NCOR2: variants seen among roughly 807,000 people sequenced by gnomAD.
NCOR2 encodes CTG repeat protein 26.
NCOR2 carries 81 observed loss-of-function variants against 262.9 expected under a neutral mutation model. The ratio of observed to expected loss-of-function variants is 0.31; its 90% CI spans 0.26 to 0.37. The LOEUF (loss-of-function observed/expected upper bound fraction) is 0.37. Ranked by LOEUF, NCOR2 falls within the 10% of genes least tolerant of loss-of-function variation. The pLI, the probability that NCOR2 is intolerant of heterozygous loss-of-function variation, is 1.00. For synonymous variants in NCOR2, 1,659 were observed against 1,559.3 expected, an observed-to-expected ratio of 1.06 and a Z score of -1.51; for missense variants, 3,385 against 3,621.4, an observed-to-expected ratio of 0.93 and a Z score of 1.68.
chr12:124,332,189 TG>T, intron 43 of NCOR2, 129 bp downstream of exon 45: 1 of 1,144,174 alleles, frequency 8.7e-7, no homozygotes, highest in Non-Finnish European at 1.2e-6. Context: ...TGGGGGGAGG[TG>T]GTCAGCAGGG....
intron 2 of NCOR2, among the ~76,000 whole-genome samples, chr12:124,484,051 T>G (rs1479037917): frequency 6.6e-6 from 1 of 152,118 alleles, no homozygotes; most frequent in Non-Finnish European, 1.5e-5. Flanking sequence ...GCCCCTCCCT[T>G]GCTACGGACC....
In NCOR2 at chr12:124,356,772, G is replaced by A. The variant is rs111850964; in HGVS notation, c.3111C>T (p.Ala1037=). 5.4e-3 allele frequency: 7,909 copies of A among 1,475,248 alleles called. 59 individuals are homozygous for A. Among genetic ancestry groups the A allele is most frequent in the African/African-American group, 0.028 (1,892 of 67,724 alleles). 91.4% of individuals were successfully genotyped at this position (1,475,248 alleles called of 1,614,324 possible). A position where few individuals can be genotyped will look rare whatever the true frequency, so the allele number is the denominator to read the frequency against. ...GGTCCCCAGGCAGCTTCTGGGCCTCGGCTGCGAAGGCTGGGAAGAACACAG... is the reference window on the plus strand; with the variant it reads ...GGTCCCCAGGCAGCTTCTGGGCCTCAGCTGCGAAGGCTGGGAAGAACACAG... The change falls in exon 23 of 47, where the codon GCC becomes GCT. Residue 1037 remains alanine (A), a synonymous_variant. Coordinates refer to ENST00000405201, the Ensembl canonical transcript of NCOR2.
chr12:124,355,695 C>T, intron 23 of NCOR2, 124 bp from the exon 26 acceptor site: 1 of 1,315,888 alleles, frequency 7.6e-7, no homozygotes, highest in South Asian at 1.6e-5. Context: ...CATGCGCACT[C>T]CTCTATTGCC....
chr12:124,361,596 C>A (rs1353601322), intron 22 of NCOR2, among the ~76,000 whole-genome samples: 1 of 152,242 alleles, frequency 6.6e-6, no homozygotes, highest in East Asian at 1.9e-4. Context: ...ACCCAGAGAC[C>A]TGGGCCTGGA....
At chr12:124,554,795 G>A (rs957299861) in intron 1 of NCOR2, among the ~76,000 whole-genome samples, 7 of 152,256 alleles carry the variant, frequency 4.6e-5, no homozygotes, top group African/African-American at 9.6e-5. Flanking sequence ...CTTCCTGCCC[G>A]CCGCTACAGC....
chr12:124,500,250 T>C (rs1257785727), upstream of NCOR2, among the ~76,000 whole-genome samples: 1 of 152,088 alleles, frequency 6.6e-6, no homozygotes, highest in African/African-American at 2.4e-5. Context: ...TGCTGGCCCC[T>C]GAACCAGCTG....
At position 124,549,582 on chromosome 12, in the gene NCOR2, G is replaced by C. The variant is rs553963513; in HGVS notation, c.-164-13971C>G. 5.3e-5 allele frequency among the ~76,000 whole-genome samples: 8 copies of C among 152,174 alleles called. 1 individual carries two copies. In the South Asian group the frequency reaches 1.2e-3, roughly 24 times the overall value. ...GCTGAGGGAGCCCCAGGACAGAAGC[G>C]GTCACACATCATGGGCTCATCATCA... On this transcript the variant is annotated intron_variant, in intron 1 of 32. Transcript: ENST00000458234. This position sits in a 1 kb window ranked among gnomAD's most constrained non-coding sequence, Gnocchi z 4.4.
chr12:124,548,346 T>G lies in NCOR2; in HGVS notation c.-164-12735A>C, dbSNP rs2051603259. On this transcript the variant is annotated intron_variant, in intron 1 of 32. Coordinates refer to the NCOR2 transcript ENST00000458234. This position sits in a 1 kb window ranked among gnomAD's most constrained non-coding sequence, Gnocchi z 5.1. ...AGAGCAGTGGGAAGAGAATGGAGAGTGTGGGGCCAGAGTCTCATGGACCTT... is the reference window on the plus strand; with the variant it reads ...AGAGCAGTGGGAAGAGAATGGAGAGGGTGGGGCCAGAGTCTCATGGACCTT... 6.6e-6 allele frequency among the ~76,000 whole-genome samples: 1 copy of G among 151,616 alleles called. No individual in the cohort carries two copies. Among genetic ancestry groups the G allele is most frequent in the Non-Finnish European group, 1.5e-5 (1 of 67,882 alleles).
At chr12:124,511,842 G>A (rs377112119) in intron 1 of NCOR2, among the ~76,000 whole-genome samples, 3 of 152,198 alleles carry the variant, frequency 2.0e-5, no homozygotes, top group African/African-American at 2.4e-5. Context: ...AGAGACTGGC[G>A]TCGCCAGCTG....
intron 3 of NCOR2, among the ~76,000 whole-genome samples, chr12:124,476,501 ACT>A (rs2047105219): frequency 6.6e-6 from 1 of 152,084 alleles, no homozygotes. Context: ...CCACCCTAAA[ACT>A]CTGAGAGCAA....
At position 124,386,236 on chromosome 12, in the gene NCOR2, C is replaced by T. The variant is rs776114757; in HGVS notation, c.1877-349G>A. Among the ~76,000 whole-genome samples, 20 of 152,242 alleles carry T rather than the reference C, an allele frequency of 1.3e-4. 1 individual carries two copies. The highest frequency in any genetic ancestry group is 3.4e-4 in the African/African-American group (14 of 41,570). On this transcript the variant is annotated intron_variant, in intron 16 of 46. Coordinates refer to ENST00000405201, the Ensembl canonical transcript of NCOR2. ...GGCGGAGGGCTGTGAATATCCAGAA[C>T]GCACAGCCTCTGCCCAGGCCCCACC...
At chr12:124,557,105 C>T (rs1049775740) in intron 1 of NCOR2, among the ~76,000 whole-genome samples, 2 of 152,198 alleles carry the variant, frequency 1.3e-5, no homozygotes, top group Non-Finnish European at 2.9e-5. Flanking sequence ...AGAGCAGCAG[C>T]GGGACTGTCC....
In NCOR2 at chr12:124,516,372, C is replaced by T. The variant is rs370113539; in HGVS notation, c.-118+19193G>A. On this transcript the variant is annotated intron_variant, in intron 1 of 46. Transcript: ENST00000404621. ...AGGCTGAGTGGGAGACGGGGCAGAA[C>T]AGGCAGGCATGGGGGGAGACCTGGG... Among the ~76,000 whole-genome samples the T allele has an allele frequency of 1.3e-4, 20 of 152,286 alleles. 2 individuals carry two copies. The South Asian group carries it at 3.7e-3, about 28-fold the overall frequency.
chr12:124,422,651 C>A, intron 11 of NCOR2, 96 bp from the exon 14 acceptor site: 1 of 1,334,752 alleles, frequency 7.5e-7, no homozygotes, highest in Non-Finnish European at 1.0e-6. Flanking sequence ...CCCCACTGGC[C>A]GGGCCTGGCG....
exon 11 of NCOR2, chr12:124,426,704 T>G: frequency 6.2e-7 from 1 of 1,611,834 alleles, no homozygotes; most frequent in Non-Finnish European, 8.5e-7. Context: ...GGGTCGGCCA[T>G]AAGCCCGTTC....
At chr12:124,372,688 C>G (rs1702329) in intron 19 of NCOR2, 78 bp from the exon 22 acceptor site, 1,342,883 of 1,346,894 alleles carry the variant, frequency 1, 669,527 homozygotes, top group East Asian at 1. Flanking sequence ...CCTGACCCTC[C>G]GGATGAGGCC....
At chr12:124,372,685 C>T in intron 19 of NCOR2, 75 bp from the exon 22 acceptor site, 1 of 1,369,718 alleles carries the variant, frequency 7.3e-7, no homozygotes, top group Non-Finnish European at 1.0e-6. Context: ...GGCCCTGACC[C>T]TCCGGATGAG....
At chr12:124,347,998 TG>T in intron 29 of NCOR2, 87 bp from the exon 32 acceptor site, 3 of 1,473,298 alleles carry the variant, frequency 2.0e-6, no homozygotes, top group Non-Finnish European at 2.8e-6. Context: ...CAGCCGCCAG[TG>T]GTCATCCCCA....
At chr12:124,438,435 T>C (rs1046282488) in intron 7 of NCOR2, among the ~76,000 whole-genome samples, 1 of 150,942 alleles carries the variant, frequency 6.6e-6, no homozygotes, top group Non-Finnish European at 1.5e-5. Flanking sequence ...GGCCCCAGGA[T>C]TGGCTCCAAC....
Sources: gnomAD v4.1 joint callset for allele counts (sites outside exome capture counted in the v4.1 genomes callset) on GRCh38, gnomAD v4.1.1 for gene constraint, Gnocchi (gnomAD v3.1) non-coding constraint, MANE v1.5 for transcripts, NCBI Gene and HGNC (gene_info 2026-07-23, HGNC 2026-07-21) for gene names.